Variants in XKR4 observed in about 807,000 individuals in gnomAD.
The protein encoded by XKR4 is XK-related protein 4.
In XKR4, 12 loss-of-function variants were observed where a neutral mutation model predicts 53.9. The observed-to-expected ratio is 0.22, with a 90% confidence interval of 0.14 to 0.36. The LOEUF (loss-of-function observed/expected upper bound fraction) is 0.36, where lower values mean the gene tolerates loss of function less well. XKR4 is among the 10% of genes least tolerant of loss of function. The pLI is 1.00. For missense variants in XKR4, 799 were observed against 859.5 expected (o/e 0.93, Z 0.88); for synonymous variants, 354 against 362.4 (o/e 0.98, Z 0.26).
chr8:55,240,080 TA>T (rs1455136883), intron 1 of XKR4, among the ~76,000 whole-genome samples: 1 of 152,192 alleles, frequency 6.6e-6, no homozygotes, highest in Non-Finnish European at 1.5e-5. Context: ...TTAAGATTTT[TA>T]AGGCAGGGGT....
rs563070784 is a variant in XKR4, at chr8:55,463,961, C to A, written c.1007-59320C>A. On this transcript the variant is annotated intron_variant, in intron 2 of 2. Transcript: ENST00000327381. ...AATCTCTGAATAGACCAATAACAGG[C>A]TCTGAAATTGAGGCAATAATTAATA... Among the ~76,000 whole-genome samples the A allele has an allele frequency of 4.6e-3, 698 of 152,162 alleles. 10 individuals are homozygous for A. Among genetic ancestry groups the A allele is most frequent in the African/African-American group, 0.016 (647 of 41,476 alleles).
intron 1 of XKR4, among the ~76,000 whole-genome samples, chr8:55,273,384 G>C (rs1257119874): frequency 6.6e-6 from 1 of 152,164 alleles, no homozygotes; most frequent in Non-Finnish European, 1.5e-5. Context: ...TTAGTTTATA[G>C]TTTAAACAAA....
chr8:55,452,615 G>C (rs1161920631), intron 2 of XKR4: 49 of 1,149,288 alleles, frequency 4.3e-5, no homozygotes, highest in Non-Finnish European at 5.6e-5. Flanking sequence ...TTATCTGGAC[G>C]ATGTCTGGCA....
At chr8:55,416,860 C>T (rs533231664) in intron 2 of XKR4, among the ~76,000 whole-genome samples, 5 of 152,354 alleles carry the variant, frequency 3.3e-5, no homozygotes, top group African/African-American at 1.2e-4. Context: ...GATCTAGTTT[C>T]TATGACTGCA....
intron 1 of XKR4, among the ~76,000 whole-genome samples, chr8:55,285,879 C>T (rs1020770372): frequency 1.3e-5 from 2 of 152,326 alleles, no homozygotes; most frequent in African/African-American, 4.8e-5. Context: ...CAACCTATTA[C>T]ACCTCTCTTA....
At chr8:55,416,846 C>T (rs1804860504) in intron 2 of XKR4, among the ~76,000 whole-genome samples, 1 of 152,252 alleles carries the variant, frequency 6.6e-6, no homozygotes, top group African/African-American at 2.4e-5. Context: ...ACTCACAAGA[C>T]AATGATCTAG....
intron 2 of XKR4, chr8:55,455,155 G>T: frequency 1.8e-6 from 1 of 564,424 alleles, no homozygotes. Flanking sequence ...GGGACGCTGG[G>T]CGGGCTCCGC....
intron 1 of XKR4, among the ~76,000 whole-genome samples, chr8:55,149,421 T>A (rs1049664571): frequency 6.6e-6 from 1 of 152,128 alleles, no homozygotes; most frequent in African/African-American, 2.4e-5. Flanking sequence ...AGATGATGCA[T>A]TTGAAAGGCT....
intron 1 of XKR4, among the ~76,000 whole-genome samples, chr8:55,168,374 T>A (rs1817099598): frequency 6.6e-6 from 1 of 152,216 alleles, no homozygotes; most frequent in Non-Finnish European, 1.5e-5. Context: ...CAATATCATC[T>A]GTCAAATCCT....
In XKR4 at chr8:55,525,455, A is replaced by C. The variant is rs909628314; in HGVS notation, c.*1228A>C. On this transcript the variant is annotated 3_prime_UTR_variant, in exon 3 of 3. Transcript: ENST00000327381. ...TTAGTAAGTATGAGCAGACAAATGC[A>C]ATGAATATGCTATGAAAAAACCCTT... 1 of 152,638 alleles carries C rather than the reference A, an allele frequency of 6.6e-6. No individual in the cohort carries two copies. The highest frequency in any genetic ancestry group is 6.5e-5 in the Admixed American group (1 of 15,288). 9.5% of individuals were successfully genotyped at this position (152,638 alleles called of 1,614,324 possible).
intron 1 of XKR4, among the ~76,000 whole-genome samples, chr8:55,130,424 G>A (rs1487540143): frequency 1.3e-5 from 2 of 152,160 alleles, no homozygotes; most frequent in African/African-American, 4.8e-5. Flanking sequence ...AAAAGCAAAG[G>A]GGCTGTGTGC....
At chr8:55,153,923 T>A (rs1230115418) in intron 1 of XKR4, among the ~76,000 whole-genome samples, 1 of 152,242 alleles carries the variant, frequency 6.6e-6, no homozygotes, top group Non-Finnish European at 1.5e-5. Context: ...TGATAAAGCA[T>A]GTTGGCTTAG....
intron 1 of XKR4, among the ~76,000 whole-genome samples, chr8:55,264,816 TAGAC>T (rs1169594386): frequency 1.3e-5 from 2 of 152,196 alleles, no homozygotes; most frequent in African/African-American, 4.8e-5. Flanking sequence ...ACACAAAACA[TAGAC>T]AGAATGTATA....
At position 55,429,520 on chromosome 8, in the gene XKR4, G is replaced by A. The variant is rs192378527; in HGVS notation, c.1006+71643G>A. Among the ~76,000 whole-genome samples, 171 of 152,156 alleles carry A rather than the reference G, an allele frequency of 1.1e-3. 1 individual carries two copies. The highest frequency in any genetic ancestry group is 3.9e-3 in the African/African-American group (160 of 41,524). ...GGCCAGCAGTTCAAGACCAGCCTGG[G>A]CAACATAGCAAGACCTCATCTGTAT... is the stretch of plus-strand genomic sequence containing the variant. On this transcript the variant is annotated intron_variant, in intron 2 of 2. Transcript: ENST00000327381.
At chr8:55,265,291 G>C (rs760701815) in intron 1 of XKR4, among the ~76,000 whole-genome samples, 2 of 152,310 alleles carry the variant, frequency 1.3e-5, no homozygotes, top group South Asian at 2.1e-4. Context: ...GTCTACAACT[G>C]CTTCAAAATG....
At chr8:55,370,637 G>A (rs1804059141) in intron 2 of XKR4, among the ~76,000 whole-genome samples, 1 of 152,148 alleles carries the variant, frequency 6.6e-6, no homozygotes, top group East Asian at 1.9e-4. Context: ...CCCCTACATA[G>A]GAGAGTTGTG....
intron 1 of XKR4, among the ~76,000 whole-genome samples, chr8:55,151,039 A>G (rs1816833384): frequency 6.6e-6 from 1 of 152,220 alleles, no homozygotes; most frequent in South Asian, 2.1e-4. Flanking sequence ...ACTTGCACTC[A>G]GTATTTAAAG....
chr8:55,335,666 A>T (rs1384271534), intron 1 of XKR4, among the ~76,000 whole-genome samples: 1 of 152,212 alleles, frequency 6.6e-6, no homozygotes, highest in African/African-American at 2.4e-5. Flanking sequence ...AAGCCTGGAG[A>T]CAATCCAAAT....
intron 1 of XKR4, among the ~76,000 whole-genome samples, chr8:55,307,629 G>C (rs1819322791): frequency 6.6e-6 from 1 of 152,062 alleles, no homozygotes; most frequent in African/African-American, 2.4e-5. Flanking sequence ...ATTCCAGCCT[G>C]GGTGACAATG....
Sources: allele counts gnomAD v4.1 joint callset (sites outside exome capture counted in the v4.1 genomes callset), GRCh38; gene constraint gnomAD v4.1.1; transcripts MANE v1.5; gene names NCBI Gene and HGNC (gene_info 2026-07-23, HGNC 2026-07-21).